Variants in PITRM1 observed in about 807,000 individuals in gnomAD.
PITRM1 encodes presequence protease, mitochondrial.
Under a neutral mutation model 129.9 loss-of-function variants are expected in PITRM1, and 100 were observed. The ratio of observed to expected loss-of-function variants is 0.77; its 90% CI spans 0.65 to 0.91. PITRM1 has a LOEUF of 0.91. Ranked by LOEUF, PITRM1 falls within the 40% of genes least tolerant of loss-of-function variation. The pLI, the probability that PITRM1 is intolerant of heterozygous loss-of-function variation, is 0.00. For synonymous variants in PITRM1, 591 were observed against 508.8 expected (o/e 1.16, Z -2.17); for missense variants, 1,471 against 1,318.3 (o/e 1.12, Z -1.79).
At chr10:3,142,170 GCAGA>G (rs1840297404) in intron 23 of PITRM1, among the ~76,000 whole-genome samples, 1 of 152,220 alleles carries the variant, frequency 6.6e-6, no homozygotes, top group African/African-American at 2.4e-5. Context: ...TGCCGGCATA[GCAGA>G]CAGATCTGTT....
chr10:3,147,386 G>A (rs1345716783), intron 19 of PITRM1, 136 bp from the exon 20 acceptor site: 4 of 931,248 alleles, frequency 4.3e-6, no homozygotes, highest in Non-Finnish European at 6.7e-6. Context: ...GGCAGGGCTG[G>A]AACTGGGATG....
intron 15 of PITRM1, 103 bp from the exon 16 acceptor site, chr10:3,149,856 G>T: frequency 8.2e-7 from 1 of 1,217,026 alleles, no homozygotes; most frequent in Non-Finnish European, 1.2e-6. Context: ...AAGAATGGAG[G>T]TTTAAGACTT....
Position 3,163,894 on chromosome 10 carries a change from G to T in PITRM1, c.631-9C>A, listed in dbSNP as rs756289310. On this transcript the variant is annotated splice_polypyrimidine_tract_variant and intron_variant, in intron 6 of 26. Transcript: ENST00000224949. Reference sequence around the variant, plus strand: ...ATCCTCTCATTGTCTGTCTTGAAACGTAAAATAAATAAATCATAAGTATAC... The same window carrying T: ...ATCCTCTCATTGTCTGTCTTGAAACTTAAAATAAATAAATCATAAGTATAC... The T allele has an allele frequency of 3.8e-6, 6 of 1,575,310 alleles. No homozygotes were observed. The highest frequency in any genetic ancestry group is 2.7e-5 in the African/African-American group (2 of 73,580).
intron 7 of PITRM1, 135 bp downstream of exon 7, chr10:3,163,590 G>A (rs1842625111): frequency 2.6e-6 from 2 of 764,634 alleles, no homozygotes; most frequent in African/African-American, 3.5e-5. Context: ...GCAAACTTAG[G>A]CCAAGAATCT....
chr10:3,167,456 C>T (rs914458583), intron 2 of PITRM1, among the ~76,000 whole-genome samples: 4 of 152,092 alleles, frequency 2.6e-5, no homozygotes. Context: ...ACGAAAAAAC[C>T]GAGGCTCAGG....
chr10:3,149,675 G>A lies in PITRM1; in HGVS notation c.1817C>T (p.Thr606Ile), dbSNP rs760158953. 1.2e-6 allele frequency: 2 copies of A among 1,607,210 alleles called. No individual in the cohort carries two copies. Among genetic ancestry groups the A allele is most frequent in the African/African-American group, 1.3e-5 (1 of 74,518 alleles). Residue 606 changes from threonine to isoleucine, a missense_variant, in exon 16 of 27, where the codon ACA becomes ATA. Physicochemically the swap from Thr to Ile is moderately conservative, Grantham distance 89. Coordinates refer to ENST00000224949, the MANE Select transcript of PITRM1 (RefSeq NM_014889.4). ...VYFRAFSSLNTLPEELRPYVP... is the reference protein window; with the variant it reads ...VYFRAFSSLNILPEELRPYVP... Reference sequence around the variant, plus strand: ...ATAGGGCCTCAGCTCCTCGGGGAGTGTGTTCAGGCTGGAGAAGGCCCGGAA... The same window carrying A: ...ATAGGGCCTCAGCTCCTCGGGGAGTATGTTCAGGCTGGAGAAGGCCCGGAA...
intron 13 of PITRM1, among the ~76,000 whole-genome samples, chr10:3,156,661 G>A (rs947095258): frequency 6.6e-6 from 1 of 151,920 alleles, no homozygotes; most frequent in African/African-American, 2.4e-5. Context: ...ACTAATAAAA[G>A]AACAATATAT....
At chr10:3,148,425 G>T (rs781452048) in intron 16 of PITRM1, 134 bp from the exon 17 acceptor site, 43 of 1,151,228 alleles carry the variant, frequency 3.7e-5, no homozygotes, top group Non-Finnish European at 5.1e-5. Context: ...TCTACACTTC[G>T]AAGGTCATAA....
chr10:3,172,669 C>G (rs908860233), intron 1 of PITRM1, 48 bp downstream of exon 1: 1 of 1,510,364 alleles, frequency 6.6e-7, no homozygotes, highest in Non-Finnish European at 8.9e-7. Context: ...CTGGACCCTC[C>G]CCTCCCGGGT....
At chr10:3,147,917 C>T (rs1841071033) in intron 18 of PITRM1, 70 bp downstream of exon 18, 2 of 1,299,964 alleles carry the variant, frequency 1.5e-6, no homozygotes, top group South Asian at 2.4e-5. Flanking sequence ...AAAACTGTCT[C>T]CTTTAAAGTA....
At chr10:3,166,494 C>G in intron 3 of PITRM1, 114 bp from the exon 4 acceptor site, 1 of 482,574 alleles carries the variant, frequency 2.1e-6, no homozygotes, top group Non-Finnish European at 3.6e-6. Flanking sequence ...CACCACAATC[C>G]TCCAGCACAG....
Position 3,145,932 on chromosome 10 carries a change from G to C in PITRM1, c.2337-216C>G, listed in dbSNP as rs929388978. On this transcript the variant is annotated intron_variant, in intron 20 of 26. Coordinates refer to ENST00000224949, the MANE Select transcript of PITRM1 (RefSeq NM_014889.4). ...CGCACAGTTCAATGTGGCAGCTAAT[G>C]AAGCCGTCCATACGCGGAGCCTGTG... The C allele has an allele frequency of 3.3e-5, 18 of 545,492 alleles. 1 individual carries two copies. In the South Asian group the frequency reaches 3.8e-4, roughly 11 times the overall value. The allele number at this position is 545,492 out of a possible 1,614,324, so 33.8% of individuals were successfully genotyped here.
chr10:3,151,296 G>A lies in PITRM1; in HGVS notation c.1689C>T (p.Ser563=), dbSNP rs762373886. Reference sequence around the variant, plus strand: ...TGACAGGTATGGTGGGTTCAATATCGGAAACTTTCAACGCTGGCAGACAAG... The same window carrying A: ...TGACAGGTATGGTGGGTTCAATATCAGAAACTTTCAACGCTGGCAGACAAG... ...DASCLPALKV[S]DIEPTIPVTE... Residue 563 remains serine (S), a synonymous_variant, in exon 15 of 27, where the codon TCC becomes TCT. Coordinates refer to ENST00000224949, the MANE Select transcript of PITRM1 (RefSeq NM_014889.4). The A allele has an allele frequency of 1.9e-5, 31 of 1,610,580 alleles. No homozygotes were observed. The highest frequency in any genetic ancestry group is 1.0e-4 in the Admixed American group (6 of 59,650).
chr10:3,147,980 A>C lies in PITRM1; in HGVS notation c.2069+7T>G. The C allele has an allele frequency of 6.2e-7, 1 of 1,601,950 alleles. No individual in the cohort carries two copies. The highest frequency in any genetic ancestry group is 1.3e-5 in the African/African-American group (1 of 74,824). On this transcript the variant is annotated splice_region_variant and intron_variant, in intron 18 of 26. Coordinates refer to ENST00000224949, the MANE Select transcript of PITRM1 (RefSeq NM_014889.4). ...CAAGAATGGACAACTCTTGCAAATA[A>C]AGTTACTTGTTAAATATTTCACTCC...
chr10:3,152,187 C>A (rs561956905), intron 14 of PITRM1, among the ~76,000 whole-genome samples: 4 of 152,222 alleles, frequency 2.6e-5, no homozygotes, highest in Non-Finnish European at 5.9e-5. Context: ...GGAGGCAGCA[C>A]CTTCACAGCA....
rs187610356 is a variant in PITRM1 at position 3,151,235 on chromosome 10, G to A, written c.1738+12C>T. 5.0e-4 allele frequency: 732 copies of A among 1,453,004 alleles called. 3 individuals are homozygous for A. The East Asian group carries it at 0.013, about 25-fold the overall frequency. The allele number at this position is 1,453,004 out of a possible 1,614,324, so 90.0% of individuals were successfully genotyped here. A position where few individuals can be genotyped will look rare whatever the true frequency, so the allele number is the denominator to read the frequency against. The stretch of plus-strand genomic sequence containing the variant: ...ACCCGAGACCCGGGAAAAGCGTAGC[G>A]TTCACAGTGACCTGTCAGGACCACG... On this transcript the variant is annotated intron_variant, in intron 15 of 26. Coordinates refer to ENST00000224949, the MANE Select transcript of PITRM1 (RefSeq NM_014889.4).
chr10:3,137,890 GT>G lies in PITRM1; in HGVS notation c.*140del. On this transcript the variant is annotated 3_prime_UTR_variant, in exon 27 of 27. Coordinates refer to ENST00000224949, the MANE Select transcript of PITRM1 (RefSeq NM_014889.4). Reference sequence around the variant, plus strand: ...CTGGTCACTCTTAAGATAGATCTGAGTTTTTGACTCGCCAGTCAAGGGCTTT... The same window carrying G: ...CTGGTCACTCTTAAGATAGATCTGAGTTTTGACTCGCCAGTCAAGGGCTTT... 2 of 615,028 alleles carry G rather than the reference GT, an allele frequency of 3.3e-6. No individual in the cohort carries two copies. The highest frequency in any genetic ancestry group is 5.8e-6 in the Non-Finnish European group (2 of 345,986). The allele number at this position is 615,028 out of a possible 1,614,324, so 38.1% of individuals were successfully genotyped here.
chr10:3,151,324 G>T lies in PITRM1; in HGVS notation c.1661C>A (p.Ala554Asp), dbSNP rs12248937. 3.4e-4 allele frequency: 540 copies of T among 1,611,006 alleles called. 1 individual carries two copies. The African/African-American group carries it at 5.5e-3, about 16-fold the overall frequency. ...LRSQQSKPQD[A>D]SCLPALKVSD... ...AACTTTCAACGCTGGCAGACAAGAGGCATCTTGAGGTTTGCTTTGTTGACT... is the reference window on the plus strand; with the variant it reads ...AACTTTCAACGCTGGCAGACAAGAGTCATCTTGAGGTTTGCTTTGTTGACT... The change falls in exon 15 of 27, where the codon GCC (alanine) becomes GAC (aspartate). Residue 554 changes from alanine to aspartate, a missense_variant. By Grantham distance (126) the Ala-to-Asp change is moderately radical (BLOSUM62 -2). Transcript: ENST00000224949.
intron 20 of PITRM1, chr10:3,146,207 A>G (rs899632436): frequency 6.1e-6 from 1 of 163,546 alleles, no homozygotes; most frequent in African/African-American, 2.4e-5. Flanking sequence ...TACTACTATC[A>G]TATAAAAGCT....
Sources: allele counts gnomAD v4.1 joint callset (sites outside exome capture counted in the v4.1 genomes callset), GRCh38; gene constraint gnomAD v4.1.1; transcripts MANE v1.5; gene names NCBI Gene and HGNC (gene_info 2026-07-23, HGNC 2026-07-21).